The following TRHDE variants were observed in gnomAD, a reference collection of about 807,000 sequenced individuals.
The protein encoded by TRHDE is thyrotropin releasing hormone degrading enzyme, also known as thyrotropin-releasing hormone-degrading ectoenzyme.
A neutral mutation model predicts 125.7 loss-of-function variants in TRHDE; 72 were observed. The observed-to-expected ratio is 0.57, with a 90% CI of 0.47 to 0.70. The LOEUF (loss-of-function observed/expected upper bound fraction) is 0.70. Among genes scored for constraint, TRHDE ranks in the 30% least tolerant of loss-of-function variants. The probability of loss-of-function intolerance (pLI) is 0.00; values close to 1 mark genes in which losing one functional copy is unlikely to be tolerated. For synonymous variants in TRHDE, 509 were observed against 509.1 expected, an observed-to-expected ratio of 1.00 and a Z score of 0.00; for missense variants, 1,110 against 1,327.1, an observed-to-expected ratio of 0.84 and a Z score of 2.54.
At chr12:72,238,804 T>G (rs12322036) in intron 2 of TRHDE, among the ~76,000 whole-genome samples, 6,569 of 152,230 alleles carry the variant, frequency 0.043, 368 homozygotes, top group African/African-American at 0.13. Flanking sequence ...TGATGGGCAT[T>G]TGGGTTGGTT....
intron 2 of TRHDE, among the ~76,000 whole-genome samples, chr12:72,164,402 G>A (rs1173893485): frequency 2.0e-5 from 3 of 152,186 alleles, no homozygotes; most frequent in Non-Finnish European, 2.9e-5. Context: ...TAGGGAAGGC[G>A]CCAGGTTCAA....
At chr12:72,362,865 G>A (rs915576149) in intron 2 of TRHDE, among the ~76,000 whole-genome samples, 42 of 151,900 alleles carry the variant, frequency 2.8e-4, no homozygotes, top group African/African-American at 7.0e-4. Context: ...TTCAAAGATC[G>A]GATAGTTGTA....
chr12:72,225,596 A>G (rs909004570), intron 2 of TRHDE, among the ~76,000 whole-genome samples: 3 of 152,218 alleles, frequency 2.0e-5, no homozygotes, highest in African/African-American at 7.2e-5. Flanking sequence ...GTTTCCTTGT[A>G]TAAAAGGTGA....
In TRHDE at chr12:72,565,001, G is replaced by C. The variant is rs1284159261; in HGVS notation, c.2042+1961G>C. On this transcript the variant is annotated intron_variant, in intron 9 of 18. Transcript: ENST00000261180. ...GAACTTGGCATATAAAATATTAAGA[G>C]TAAGATAATGCAGGACATCCTATTA... Among the ~76,000 whole-genome samples the C allele has an allele frequency of 2.6e-5, 4 of 151,384 alleles. 1 individual carries two copies. The South Asian group carries it at 8.3e-4, about 31-fold the overall frequency.
At chr12:72,417,203 A>T (rs1477981226) in intron 3 of TRHDE, among the ~76,000 whole-genome samples, 1 of 151,860 alleles carries the variant, frequency 6.6e-6, no homozygotes, top group Non-Finnish European at 1.5e-5. Context: ...ATTGCTTTTC[A>T]TATGTTGATT....
chr12:72,478,937 AAAAAC>A lies in TRHDE; in HGVS notation c.1584+5762_1584+5766del, dbSNP rs1398952707. On this transcript the variant is annotated intron_variant, in intron 5 of 18. Coordinates refer to ENST00000261180, the MANE Select transcript of TRHDE (RefSeq NM_013381.3). ...TTTTTTTTAGCAAAAAAAAAAAAAA[AAAAAC>A]AAAAACAGTTAAAATGAGAGCTTTA... is the stretch of plus-strand genomic sequence containing the variant. Among the ~76,000 whole-genome samples, 196 of 151,116 alleles carry A rather than the reference AAAAAC, an allele frequency of 1.3e-3. 2 individuals are homozygous for A. The highest frequency in any genetic ancestry group is 4.5e-3 in the African/African-American group (187 of 41,226).
chr12:72,202,190 T>C (rs1877573086), intron 2 of TRHDE, among the ~76,000 whole-genome samples: 1 of 152,182 alleles, frequency 6.6e-6, no homozygotes, highest in African/African-American at 2.4e-5. Flanking sequence ...CTTGTTTCTT[T>C]GCTGCTAGGA....
At chr12:72,154,263 A>G (rs1168227986) in intron 2 of TRHDE, among the ~76,000 whole-genome samples, 2 of 152,140 alleles carry the variant, frequency 1.3e-5, no homozygotes, top group African/African-American at 4.8e-5. Flanking sequence ...ATCTTCCTCC[A>G]TCCCTTTATT....
In TRHDE at chr12:72,656,908, ACT is replaced by A. The variant is rs763286378; in HGVS notation, c.2985-16_2985-15del. On this transcript the variant is annotated splice_polypyrimidine_tract_variant and intron_variant, in intron 17 of 18. Transcript: ENST00000261180. ...AATTATGACCTGCATTGACATTAAG[ACT>A]CTTTTTTTCTTTTGAGGTATGGAGA... 24 of 1,525,722 alleles carry A rather than the reference ACT, an allele frequency of 1.6e-5. No individual in the cohort carries two copies. Among genetic ancestry groups the A allele is most frequent in the Non-Finnish European group, 2.1e-5 (23 of 1,107,484 alleles). The allele number at this position is 1,525,722 out of a possible 1,614,324, so 94.5% of individuals were successfully genotyped here.
chr12:72,092,805 A>G (rs1566208633), intron 1 of TRHDE, among the ~76,000 whole-genome samples: 1 of 152,218 alleles, frequency 6.6e-6, no homozygotes, highest in Non-Finnish European at 1.5e-5. Flanking sequence ...GAAAGGTACT[A>G]AAAATACTCT....
chr12:72,656,826 T>G (rs1296255745), intron 17 of TRHDE, 101 bp from the exon 18 acceptor site: 1 of 783,822 alleles, frequency 1.3e-6, no homozygotes, highest in Non-Finnish European at 2.1e-6. Context: ...CTGACAACAC[T>G]GAGCAAATCG....
At chr12:72,333,458 G>T (rs776968708) in intron 2 of TRHDE, among the ~76,000 whole-genome samples, 1 of 152,172 alleles carries the variant, frequency 6.6e-6, no homozygotes, top group Admixed American at 6.5e-5. Context: ...TAGAAAAGGT[G>T]TTTTGGGGAG....
Position 72,670,514 on chromosome 12 carries a change from A to T in TRHDE, c.*7319A>T, listed in dbSNP as rs1875221066. ...GTTTTAATTTTCTGACATGCAGATA[A>T]GGCCAAAATAAATAATACCATCTGT... On this transcript the variant is annotated 3_prime_UTR_variant, in exon 19 of 19. Transcript: ENST00000261180. The T allele has an allele frequency of 1.3e-5, 2 of 151,732 alleles. No homozygotes were observed. Among genetic ancestry groups the T allele is most frequent in the Admixed American group, 1.3e-4 (2 of 15,170 alleles). 9.4% of individuals were successfully genotyped at this position (151,732 alleles called of 1,614,324 possible).
intron 15 of TRHDE, among the ~76,000 whole-genome samples, chr12:72,640,703 G>A (rs976691601): frequency 6.6e-6 from 1 of 152,174 alleles, no homozygotes; most frequent in Admixed American, 6.5e-5. Context: ...GCTCATGCTG[G>A]GAGCTGTAGA....
intron 2 of TRHDE, among the ~76,000 whole-genome samples, chr12:72,320,599 G>A (rs1270190348): frequency 6.7e-6 from 1 of 148,992 alleles, no homozygotes; most frequent in Non-Finnish European, 1.5e-5. Context: ...TAACAGAATT[G>A]CGTTGGCTCT....
At chr12:72,375,129 T>A (rs1871814662) in intron 2 of TRHDE, among the ~76,000 whole-genome samples, 1 of 152,166 alleles carries the variant, frequency 6.6e-6, no homozygotes, top group Admixed American at 6.5e-5. Context: ...AGTCAGTTCA[T>A]CCTTTGAAAT....
chr12:72,214,679 T>C (rs909341141), intron 2 of TRHDE, among the ~76,000 whole-genome samples: 2 of 152,170 alleles, frequency 1.3e-5, no homozygotes, highest in Non-Finnish European at 2.9e-5. Context: ...ACAAAATCAA[T>C]GACACATAAT....
At chr12:72,440,524 G>A (rs2135854951) in intron 3 of TRHDE, among the ~76,000 whole-genome samples, 1 of 151,680 alleles carries the variant, frequency 6.6e-6, no homozygotes, top group South Asian at 2.1e-4. Flanking sequence ...TACATTTCAT[G>A]TTAATAATGC....
At chr12:72,573,975 C>A (rs1870867326) in intron 10 of TRHDE, among the ~76,000 whole-genome samples, 1 of 151,828 alleles carries the variant, frequency 6.6e-6, no homozygotes, top group Non-Finnish European at 1.5e-5. Flanking sequence ...ATTCAGTATA[C>A]TTTGGGGTAG....
Sources: allele counts gnomAD v4.1 joint callset (sites outside exome capture counted in the v4.1 genomes callset), GRCh38; gene constraint gnomAD v4.1.1; transcripts MANE v1.5; gene names NCBI Gene and HGNC (gene_info 2026-07-23, HGNC 2026-07-21).